Variants in SERPINB13 observed in about 807,000 individuals in gnomAD.
SERPINB13 encodes serpin family B member 13.
A neutral mutation model predicts 31.2 loss-of-function variants in SERPINB13; 26 were observed. That is an observed-to-expected ratio of 0.83 (90% CI 0.61 to 1.15). The LOEUF is 1.15. Ranked by LOEUF, SERPINB13 falls within the 50% of genes most tolerant of loss-of-function variation. SERPINB13 has a pLI of 0.00. For synonymous variants in SERPINB13, 191 were observed against 172.4 expected, an observed-to-expected ratio of 1.11 and a Z score of -0.85; for missense variants, 510 against 469.4, an observed-to-expected ratio of 1.09 and a Z score of -0.80.
At chr18:63,596,242 GA>G (rs1912159948) in intron 7 of SERPINB13, among the ~76,000 whole-genome samples, 1 of 152,142 alleles carries the variant, frequency 6.6e-6, no homozygotes, top group South Asian at 2.1e-4. Context: ...TTTTAAGTTG[GA>G]AAATATTTTG....
chr18:63,596,837 A>C, intron 7 of SERPINB13, 122 bp from the exon 8 acceptor site: 1 of 766,848 alleles, frequency 1.3e-6, no homozygotes, highest in Middle Eastern at 3.9e-4. Flanking sequence ...ATCTAGTGAA[A>C]TAAAATTTCT....
chr18:63,589,817 A>G (rs1411031220), intron 3 of SERPINB13, 102 bp downstream of exon 3: 1 of 1,585,152 alleles, frequency 6.3e-7, no homozygotes, highest in Non-Finnish European at 8.6e-7. Flanking sequence ...AGGACTGAGA[A>G]AGGCATGAAA....
At chr18:63,589,913 A>G in intron 3 of SERPINB13, 198 bp downstream of exon 3, 4 of 1,120,680 alleles carry the variant, frequency 3.6e-6, no homozygotes, top group Non-Finnish European at 1.2e-6. Flanking sequence ...ATAACCCCTT[A>G]ATATTGAGAA....
At position 63,597,715 on chromosome 18, in the gene SERPINB13, A is replaced by G. The variant is rs536102713; in HGVS notation, c.*352A>G. 1.6e-4 allele frequency: 29 copies of G among 186,414 alleles called. No individual in the cohort carries two copies. The South Asian group carries it at 4.3e-3, about 28-fold the overall frequency. 11.5% of individuals were successfully genotyped at this position (186,414 alleles called of 1,614,324 possible). Reference sequence around the variant, plus strand: ...ACTAGTAATTTTGGGGGGTCTCTCTAATTCTGGTATTTTGACATGTTATAA... The same window carrying G: ...ACTAGTAATTTTGGGGGGTCTCTCTGATTCTGGTATTTTGACATGTTATAA... On this transcript the variant is annotated 3_prime_UTR_variant, in exon 8 of 8. Coordinates refer to ENST00000344731, the MANE Select transcript of SERPINB13 (RefSeq NM_012397.4).
Position 63,592,882 on chromosome 18 carries a change from A to G in SERPINB13, c.383A>G (p.Tyr128Cys), listed in dbSNP as rs778055711. The change falls in exon 5 of 8, where the codon TAT (tyrosine) becomes TGT (cysteine). Residue 128 changes from tyrosine (Y) to cysteine (C), a missense_variant. Transcript: ENST00000344731. ...TACTTAGATTATGTTGAAAAATATT[A>G]TCATGCATCTCTGGAACCTGTTGAT... Reference protein sequence around the residue: ...QKYLDYVEKYYHASLEPVDFV... With the variant: ...QKYLDYVEKYCHASLEPVDFV... The G allele has an allele frequency of 1.9e-5, 30 of 1,606,014 alleles. No individual in the cohort carries two copies. The highest frequency in any genetic ancestry group is 1.7e-4 in the Middle Eastern group (1 of 6,060).
At chr18:63,591,311 C>T (rs1840559) in intron 3 of SERPINB13, among the ~76,000 whole-genome samples, 18,816 of 152,222 alleles carry the variant, frequency 0.12, 1,478 homozygotes, top group Middle Eastern at 0.18. Context: ...ATACTTATAG[C>T]TCTATTTGAT....
intron 1 of SERPINB13, among the ~76,000 whole-genome samples, chr18:63,587,969 G>A (rs894162849): frequency 4.6e-5 from 7 of 152,166 alleles, no homozygotes; most frequent in Non-Finnish European, 1.0e-4. Flanking sequence ...ATACAGAAAA[G>A]TATAAAAAAG....
At chr18:63,593,193 G>A (rs1192121563) in intron 5 of SERPINB13, among the ~76,000 whole-genome samples, 1 of 152,132 alleles carries the variant, frequency 6.6e-6, no homozygotes, top group Non-Finnish European at 1.5e-5. Context: ...AGATGGTGGA[G>A]CAATTTCAGC....
chr18:63,588,823 G>C lies in SERPINB13; in HGVS notation c.156G>C (p.Gln52His). ...GGACCCGAGGAGCCACCGCTTCCCA[G>C]TTGGAGGAGGTTGGGCGCAGTCAGG... ...LLGTRGATAS[Q>H]LEEVFHSEKE... Residue 52 changes from glutamine to histidine, a missense_variant, in exon 2 of 8, where the codon CAG becomes CAC. Gln to His is a conservative substitution (Grantham distance 24, BLOSUM62 0). Transcript: ENST00000344731. The C allele has an allele frequency of 6.2e-7, 1 of 1,613,880 alleles. No individual in the cohort carries two copies. Among genetic ancestry groups the C allele is most frequent in the Non-Finnish European group, 8.5e-7 (1 of 1,179,912 alleles).
rs1468526654 is a variant in SERPINB13, at chr18:63,598,207, T to C, written c.*844T>C. ...AGCTCTGAATCTATACCTAATGCTC[T>C]TAATTATTGGCTTGTTTCATTTTTT... On this transcript the variant is annotated 3_prime_UTR_variant, in exon 8 of 8. Coordinates refer to ENST00000344731, the MANE Select transcript of SERPINB13 (RefSeq NM_012397.4). 6.6e-6 allele frequency: 1 copy of C among 152,108 alleles called. No individual in the cohort carries two copies. Among genetic ancestry groups the C allele is most frequent in the East Asian group, 1.9e-4 (1 of 5,202 alleles). 9.4% of individuals were successfully genotyped at this position (152,108 alleles called of 1,614,324 possible).
chr18:63,593,916 A>G (rs1822726383), intron 5 of SERPINB13: 2 of 453,850 alleles, frequency 4.4e-6, no homozygotes, highest in Non-Finnish European at 9.1e-6. Context: ...CATAATAGCT[A>G]ACACAGAGTG....
chr18:63,592,943 T>A lies in SERPINB13; in HGVS notation c.444T>A (p.Ile148=). 1.2e-6 allele frequency: 2 copies of A among 1,612,910 alleles called. No homozygotes were observed. Among genetic ancestry groups the A allele is most frequent in the Non-Finnish European group, 1.7e-6 (2 of 1,179,256 alleles). Residue 148 remains isoleucine, a synonymous_variant, in exon 5 of 8, where the codon ATT becomes ATA. Coordinates refer to ENST00000344731, the MANE Select transcript of SERPINB13 (RefSeq NM_012397.4). The stretch of plus-strand genomic sequence containing the variant: ...CAGCCGATGAAAGTCGAAAGAAGAT[T>A]AATTCCTGGGTTGAAAGCAAAACAA... ...VNAADESRKK[I]NSWVESKTNE...
intron 3 of SERPINB13, 47 bp from the exon 4 acceptor site, chr18:63,592,301 T>G: frequency 6.3e-7 from 1 of 1,584,860 alleles, no homozygotes; most frequent in Admixed American, 1.7e-5. Flanking sequence ...GAATCTGGGC[T>G]TGCTTTTGCC....
intron 1 of SERPINB13, 57 bp from the exon 2 acceptor site, chr18:63,588,593 TC>T: frequency 6.6e-7 from 1 of 1,519,084 alleles, no homozygotes; most frequent in Non-Finnish European, 9.1e-7. Flanking sequence ...CAGAAAGGAT[TC>T]CCCTGACACA....
rs2144422780 is a variant in SERPINB13 at position 63,598,872 on chromosome 18, G to A, written c.*1509G>A. On this transcript the variant is annotated 3_prime_UTR_variant, in exon 8 of 8. Coordinates refer to ENST00000344731, the MANE Select transcript of SERPINB13 (RefSeq NM_012397.4). ...ACGTGACATTTTATATTCCCACCAG[G>A]AATGTTTAAAACTAGTGTCTTCAAA... 1 of 152,168 alleles carries A rather than the reference G, an allele frequency of 6.6e-6. No individual in the cohort carries two copies. The highest frequency in any genetic ancestry group is 2.1e-4 in the South Asian group (1 of 4,832). The allele number at this position is 152,168 out of a possible 1,614,324, so 9.4% of individuals were successfully genotyped here.
At position 63,587,365 on chromosome 18, in the gene SERPINB13, A is replaced by C. The variant is rs1198300907; in HGVS notation, c.-103A>C. The C allele has an allele frequency of 2.1e-6, 1 of 468,284 alleles. No homozygotes were observed. The highest frequency in any genetic ancestry group is 4.4e-6 in the Non-Finnish European group (1 of 226,266). The allele number at this position is 468,284 out of a possible 1,614,324, so 29.0% of individuals were successfully genotyped here. ...ACCACTGCTGAAGCAGATGTGGAGA[A>C]CTATAAATTAAGGATCCCAGCTACT... On this transcript the variant is annotated 5_prime_UTR_variant, in exon 1 of 8. Transcript: ENST00000344731.
chr18:63,597,241 G>A lies in SERPINB13; in HGVS notation c.1054G>A (p.Gly352Ser), dbSNP rs369861529. The A allele has an allele frequency of 9.1e-5, 147 of 1,614,122 alleles. No individual in the cohort carries two copies. Among genetic ancestry groups the A allele is most frequent in the Non-Finnish European group, 1.2e-4 (137 of 1,180,056 alleles). The part of the protein sequence containing the change: ...GTEAAAATGI[G>S]FTVTSAPGHE... ...CGAGGCTGCAGCTGCCACCGGCATA[G>A]GCTTTACTGTCACATCCGCCCCAGG... is the stretch of plus-strand genomic sequence containing the variant. Residue 352 changes from glycine (G) to serine (S), a missense_variant, in exon 8 of 8, where the codon GGC becomes AGC. By Grantham distance (56) the Gly-to-Ser change is moderately conservative. Transcript: ENST00000344731.
rs74873969 is a variant in SERPINB13, at chr18:63,598,894, C to T, written c.*1531C>T. 1 of 152,178 alleles carries T rather than the reference C, an allele frequency of 6.6e-6. No individual in the cohort carries two copies. The highest frequency in any genetic ancestry group is 1.5e-5 in the Non-Finnish European group (1 of 68,008). 9.4% of individuals were successfully genotyped at this position (152,178 alleles called of 1,614,324 possible). A position where few individuals can be genotyped will look rare whatever the true frequency, so the allele number is the denominator to read the frequency against. The stretch of plus-strand genomic sequence containing the variant: ...CAGGAATGTTTAAAACTAGTGTCTT[C>T]AAATCCTCACCAACATCCAGGATTG... On this transcript the variant is annotated 3_prime_UTR_variant, in exon 8 of 8. Coordinates refer to ENST00000344731, the MANE Select transcript of SERPINB13 (RefSeq NM_012397.4).
At chr18:63,594,241 G>A in intron 5 of SERPINB13, 114 bp from the exon 6 acceptor site, 1 of 1,557,592 alleles carries the variant, frequency 6.4e-7, no homozygotes, top group South Asian at 1.2e-5. Flanking sequence ...GCCCTCAGGT[G>A]CTGACCTGGC....
Sources: gnomAD v4.1 joint callset for allele counts (sites outside exome capture counted in the v4.1 genomes callset) on GRCh38, gnomAD v4.1.1 for gene constraint, MANE v1.5 for transcripts, NCBI Gene and HGNC (gene_info 2026-07-23, HGNC 2026-07-21) for gene names.